Variants in BPIFA2 observed in about 807,000 individuals in gnomAD.
BPIFA2 encodes the protein BPI fold containing family A member 2.
In BPIFA2, 20 loss-of-function variants were observed where a neutral mutation model predicts 25.7. That is an observed-to-expected ratio of 0.78 (90% confidence interval 0.55 to 1.13). The LOEUF is 1.13. BPIFA2 is among the 50% of genes most tolerant of loss of function. The pLI, the probability that BPIFA2 is intolerant of heterozygous loss-of-function variation, is 0.00. For missense variants in BPIFA2, 300 were observed against 298.1 expected, an observed-to-expected ratio of 1.01 and a Z score of -0.05; for synonymous variants, 126 against 124.3, an observed-to-expected ratio of 1.01 and a Z score of -0.09.
upstream of BPIFA2, among the ~76,000 whole-genome samples, chr20:33,166,866 T>C (rs757110173): frequency 2.4e-4 from 37 of 152,360 alleles, no homozygotes; most frequent in Non-Finnish European, 4.9e-4. Context: ...TGGGACAAAC[T>C]GCCTTCACAA....
At chr20:33,164,750 C>G (rs947993499), upstream of BPIFA2, among the ~76,000 whole-genome samples, 1 of 151,920 alleles carries the variant, frequency 6.6e-6, no homozygotes, top group African/African-American at 2.4e-5. Context: ...AGACCAGACC[C>G]TGTGCCAGCT....
chr20:33,175,987 G>T (rs1460913077), intron 5 of BPIFA2, among the ~76,000 whole-genome samples: 1 of 151,996 alleles, frequency 6.6e-6, no homozygotes, highest in Admixed American at 6.6e-5. Context: ...CTGTTGTTAG[G>T]TGCATGCACA....
chr20:33,169,372 AGGCTGCCACCAGG>A (rs1322908531), intron 2 of BPIFA2, 70 bp downstream of exon 2: 1 of 1,515,128 alleles, frequency 6.6e-7, no homozygotes, highest in Non-Finnish European at 9.1e-7. Context: ...GCATTACCAG[AGGCTGCCACCAGG>A]GGCTACTCTT....
rs867201242 is a variant in BPIFA2 at position 33,179,604 on chromosome 20, A to C, written c.646A>C (p.Ile216Leu). Residue 216 changes from isoleucine to leucine, a missense_variant and splice_region_variant, in exon 7 of 9, where the codon ATA becomes CTA. Ile to Leu is a conservative substitution (Grantham distance 5). Transcript: ENST00000354932. ...STVSSLLQKE[I>L]CPLIRIFIHS... is the part of the protein sequence containing the mutation. ...CTCTTCCTCCTTTCTCCGCTGTCAG[A>C]TATGTCCACTGATCCGCATCTTCAT... 1 of 1,609,058 alleles carries C rather than the reference A, an allele frequency of 6.2e-7. No homozygotes were observed. Among genetic ancestry groups the C allele is most frequent in the East Asian group, 2.2e-5 (1 of 44,860 alleles).
intron 5 of BPIFA2, among the ~76,000 whole-genome samples, chr20:33,176,534 T>C (rs1251143790): frequency 2.0e-5 from 3 of 152,194 alleles, no homozygotes; most frequent in African/African-American, 7.2e-5. Context: ...CATAGCCTGA[T>C]GTGAGTTGCG....
At chr20:33,174,296 C>T in intron 4 of BPIFA2, 110 bp downstream of exon 4, 1 of 917,352 alleles carries the variant, frequency 1.1e-6, no homozygotes, top group Non-Finnish European at 1.8e-6. Flanking sequence ...ACTTGGGCCT[C>T]AGTTTCCCAA....
chr20:33,165,961 C>CTATATTA, upstream of BPIFA2, among the ~76,000 whole-genome samples: 1 of 152,176 alleles, frequency 6.6e-6, no homozygotes, highest in South Asian at 2.1e-4. Flanking sequence ...ACCAAGGACC[C>CTATATTA]TATATTATAT....
At chr20:33,177,803 T>A (rs1192473900) in intron 5 of BPIFA2, among the ~76,000 whole-genome samples, 3 of 152,130 alleles carry the variant, frequency 2.0e-5, no homozygotes, top group East Asian at 1.9e-4. Flanking sequence ...CCCTTAATGT[T>A]TAGGTACCAG....
intron 2 of BPIFA2, among the ~76,000 whole-genome samples, chr20:33,169,805 A>G (rs889785798): frequency 3.3e-5 from 5 of 151,918 alleles, no homozygotes; most frequent in African/African-American, 9.7e-5. Flanking sequence ...TTCTTAGCAT[A>G]TTTTTCTTTT....
At chr20:33,179,939 C>T (rs1374221638) in intron 7 of BPIFA2, among the ~76,000 whole-genome samples, 1 of 152,142 alleles carries the variant, frequency 6.6e-6, no homozygotes, top group Admixed American at 6.5e-5. Context: ...ACAAGTCAGC[C>T]AGGCGCAGTG....
upstream of BPIFA2, among the ~76,000 whole-genome samples, chr20:33,165,535 C>G (rs1600594513): frequency 6.6e-6 from 1 of 152,190 alleles, no homozygotes; most frequent in Admixed American, 6.5e-5. Flanking sequence ...CTCGCTTTCT[C>G]TGGTCTCAGT....
At chr20:33,169,077 G>C (rs1287817564) in intron 1 of BPIFA2, 54 bp from the exon 2 acceptor site, 1 of 1,421,644 alleles carries the variant, frequency 7.0e-7, no homozygotes, top group South Asian at 1.2e-5. Context: ...ACTCACTGAA[G>C]AGTCCATTTC....
At position 33,181,251 on chromosome 20, in the gene BPIFA2, C is replaced by G. The variant is rs1272726359; in HGVS notation, c.*65C>G. The G allele has an allele frequency of 6.6e-6, 1 of 152,334 alleles. No homozygotes were observed. Among genetic ancestry groups the G allele is most frequent in the Non-Finnish European group, 1.5e-5 (1 of 68,170 alleles). The allele number at this position is 152,334 out of a possible 1,614,324, so 9.4% of individuals were successfully genotyped here. A position where few individuals can be genotyped will look rare whatever the true frequency, so the allele number is the denominator to read the frequency against. ...TGGTTCCCAGTGGCTTGCCCCACCC[C>G]CTTATAGCATCTCCCTCCAGGAAGC... On this transcript the variant is annotated 3_prime_UTR_variant, in exon 9 of 9. Transcript: ENST00000354932.
At chr20:33,174,003 C>T (rs770540657) in intron 3 of BPIFA2, 76 bp from the exon 4 acceptor site, 257 of 1,230,620 alleles carry the variant, frequency 2.1e-4, no homozygotes, top group Non-Finnish European at 2.7e-4. Context: ...ACGCTCAGCT[C>T]GAGGCTGGCC....
chr20:33,176,408 G>A (rs143184895), intron 5 of BPIFA2, among the ~76,000 whole-genome samples: 1 of 152,308 alleles, frequency 6.6e-6, no homozygotes, highest in Non-Finnish European at 1.5e-5. Flanking sequence ...CAGGAGCAAG[G>A]CTGGGTCCTC....
In BPIFA2 at chr20:33,169,188, A is replaced by C. The variant is rs775457300; in HGVS notation, c.43A>C (p.Thr15Pro). Residue 15 changes from threonine (T) to proline (P), a missense_variant, in exon 2 of 9, where the codon ACT becomes CCT. Thr to Pro is a conservative substitution (Grantham distance 38). Transcript: ENST00000354932. ...ACTTGTTCTCCTGTGCGGCGTGCTC[A>C]CTGGGACCTCAGAGTCTCTTCTTGA... Reference protein sequence around the residue: ...WKLVLLCGVLTGTSESLLDNL... With the variant: ...WKLVLLCGVLPGTSESLLDNL... The C allele has an allele frequency of 2.5e-6, 4 of 1,614,162 alleles. No individual in the cohort carries two copies. The highest frequency in any genetic ancestry group is 3.4e-6 in the Non-Finnish European group (4 of 1,179,970).
At chr20:33,169,793 T>C (rs1354807394) in intron 2 of BPIFA2, among the ~76,000 whole-genome samples, 1 of 152,246 alleles carries the variant, frequency 6.6e-6, no homozygotes, top group Non-Finnish European at 1.5e-5. Flanking sequence ...ATTTTGTCTA[T>C]ATTCTTAGCA....
intron 1 of BPIFA2, 148 bp from the exon 2 acceptor site, chr20:33,168,983 C>A: frequency 1.4e-6 from 1 of 725,750 alleles, no homozygotes; most frequent in Non-Finnish European, 2.2e-6. Flanking sequence ...GTTGCTGTAG[C>A]TTTCTGACCT....
At chr20:33,172,389 G>T (rs148482835) in intron 2 of BPIFA2, among the ~76,000 whole-genome samples, 2 of 150,382 alleles carry the variant, frequency 1.3e-5, no homozygotes, top group African/African-American at 5.0e-5. Context: ...CATGTATCCC[G>T]GAACTTAAAG....
Sources: gnomAD v4.1 joint callset for allele counts (sites outside exome capture counted in the v4.1 genomes callset) on GRCh38, gnomAD v4.1.1 for gene constraint, MANE v1.5 for transcripts, NCBI Gene and HGNC (gene_info 2026-07-23, HGNC 2026-07-21) for gene names.